The following SNTG1 variants were observed in gnomAD, a reference collection of about 807,000 sequenced individuals.
SNTG1 encodes gamma-1-syntrophin.
In SNTG1, 39 loss-of-function variants were observed where a neutral mutation model predicts 74.7. The ratio of observed to expected loss-of-function variants is 0.52; its 90% confidence interval spans 0.40 to 0.68. SNTG1 has a LOEUF of 0.68. Among genes scored for constraint, SNTG1 ranks in the 30% least tolerant of loss-of-function variants. The pLI, the probability that SNTG1 is intolerant of heterozygous loss-of-function variation, is 0.00. For synonymous variants in SNTG1, 254 were observed against 217.1 expected (o/e 1.17, Z -1.49); for missense variants, 685 against 609.5 (o/e 1.12, Z -1.30).
At chr8:50,343,319 G>A (rs146206314) in intron 2 of SNTG1, among the ~76,000 whole-genome samples, 70 of 152,222 alleles carry the variant, frequency 4.6e-4, no homozygotes, top group Non-Finnish European at 7.6e-4. Flanking sequence ...AATGGAAGAC[G>A]TTTATATCCT....
chr8:50,472,910 C>CA (rs200583119), intron 8 of SNTG1, among the ~76,000 whole-genome samples: 4 of 151,498 alleles, frequency 2.6e-5, no homozygotes, highest in Admixed American at 1.3e-4. Context: ...CACAAATGGC[C>CA]AAAAAAACAT....
intron 1 of SNTG1, among the ~76,000 whole-genome samples, chr8:50,170,312 T>G (rs1398311720): frequency 6.6e-6 from 1 of 152,174 alleles, no homozygotes; most frequent in Non-Finnish European, 1.5e-5. Flanking sequence ...TACATCTATA[T>G]AAAATAAATA....
chr8:50,531,428 T>C (rs1296691023), intron 10 of SNTG1, among the ~76,000 whole-genome samples: 2 of 152,106 alleles, frequency 1.3e-5, no homozygotes, highest in African/African-American at 4.8e-5. Flanking sequence ...TGAGGAAATA[T>C]ACAGGTTTCC....
chr8:49,987,362 A>G (rs1216358702), intron 1 of SNTG1, among the ~76,000 whole-genome samples: 1 of 152,206 alleles, frequency 6.6e-6, no homozygotes, highest in Non-Finnish European at 1.5e-5. Flanking sequence ...AAAAGTAAAT[A>G]AACAATTATT....
chr8:50,422,626 G>C (rs947636919), intron 4 of SNTG1, among the ~76,000 whole-genome samples: 1 of 152,056 alleles, frequency 6.6e-6, no homozygotes, highest in African/African-American at 2.4e-5. Context: ...TGGGGGGAAG[G>C]GGTGAGGTTG....
In SNTG1 at chr8:50,622,101, G is replaced by T. The variant is rs1029336689; in HGVS notation, c.849+31184G>T. Among the ~76,000 whole-genome samples the T allele has an allele frequency of 2.0e-5, 3 of 152,078 alleles. No homozygotes were observed. In the South Asian group the frequency reaches 6.2e-4, roughly 32 times the overall value. ...CCTCAAGATTTTCCTCATAGGTATT[G>T]CATCTGCCCCAATCTCTCTGCTTAC... On this transcript the variant is annotated intron_variant, in intron 13 of 18. Transcript: ENST00000642720.
Position 50,693,995 on chromosome 8 carries a change from C to T in SNTG1, c.1039-10605C>T, listed in dbSNP as rs571025183. On this transcript the variant is annotated intron_variant, in intron 15 of 18. Coordinates refer to ENST00000642720, the MANE Select transcript of SNTG1 (RefSeq NM_018967.5). ...GGAAGTTTATATCAACAACCACCTA[C>T]ATTAGAAAAGGAGAAAGATTTCATA... Among the ~76,000 whole-genome samples, 6 of 152,054 alleles carry T rather than the reference C, an allele frequency of 3.9e-5. No homozygotes were observed. The South Asian group carries it at 1.2e-3, about 32-fold the overall frequency.
intron 1 of SNTG1, among the ~76,000 whole-genome samples, chr8:49,940,511 T>A (rs961871100): frequency 1.3e-5 from 2 of 152,218 alleles, no homozygotes; most frequent in African/African-American, 4.8e-5. Context: ...AAAAATCCTT[T>A]ATTTTGACTC....
intron 1 of SNTG1, among the ~76,000 whole-genome samples, chr8:50,074,425 T>C (rs760823369): frequency 8.5e-5 from 13 of 152,196 alleles, no homozygotes; most frequent in Non-Finnish European, 4.4e-5. Context: ...TATCAGCAAC[T>C]GTAGAGTTAC....
chr8:49,969,427 C>T (rs1811453314), intron 1 of SNTG1, among the ~76,000 whole-genome samples: 1 of 117,338 alleles, frequency 8.5e-6, no homozygotes, highest in Non-Finnish European at 1.6e-5. Context: ...AATGGACTCT[C>T]TCTCTGTCGC....
At chr8:50,392,820 A>G (rs2092680200) in intron 2 of SNTG1, among the ~76,000 whole-genome samples, 1 of 152,164 alleles carries the variant, frequency 6.6e-6, no homozygotes. Context: ...TGAAATAATT[A>G]AAATTTTAAG....
intron 2 of SNTG1, among the ~76,000 whole-genome samples, chr8:50,327,536 A>T (rs1366016253): frequency 2.6e-5 from 4 of 152,012 alleles, no homozygotes; most frequent in African/African-American, 9.7e-5. Context: ...CTTACTTTGA[A>T]TTGTGTGTAT....
chr8:50,697,484 G>A (rs934026093), intron 15 of SNTG1, among the ~76,000 whole-genome samples: 1 of 152,078 alleles, frequency 6.6e-6, no homozygotes, highest in Non-Finnish European at 1.5e-5. Flanking sequence ...TGGTAAGAGT[G>A]GACAACCTTC....
At chr8:50,174,650 C>A (rs751149779) in intron 2 of SNTG1, among the ~76,000 whole-genome samples, 12 of 152,012 alleles carry the variant, frequency 7.9e-5, no homozygotes, top group Non-Finnish European at 1.6e-4. Context: ...TAAATATGTA[C>A]TTCAAATAAA....
Position 50,642,148 on chromosome 8 carries a change from G to T in SNTG1, c.850-14761G>T, listed in dbSNP as rs142783873. On this transcript the variant is annotated intron_variant, in intron 13 of 18. Transcript: ENST00000642720. The stretch of plus-strand genomic sequence containing the variant: ...CTCCATTCTTCTGATTGCAAAGATC[G>T]AAAACTTTCTATCACTCTTAACTTC... Among the ~76,000 whole-genome samples the T allele has an allele frequency of 1.6e-3, 242 of 152,054 alleles. 2 individuals are homozygous for T. The highest frequency in any genetic ancestry group is 0.01 in the Middle Eastern group (3 of 292).
In SNTG1 at chr8:50,129,049, T is replaced by C. The variant is rs528179741; in HGVS notation, c.-102-43512T>C. On this transcript the variant is annotated intron_variant, in intron 1 of 18. Transcript: ENST00000642720. ...CATCATTTGATGAAGATAAAATTGA[T>C]GACAGACAACTGTATTCTCTAAAAT... Among the ~76,000 whole-genome samples the C allele has an allele frequency of 2.6e-5, 4 of 152,216 alleles. No homozygotes were observed. In the South Asian group the frequency reaches 8.3e-4, roughly 32 times the overall value.
chr8:50,013,994 C>A (rs762899218), intron 1 of SNTG1, among the ~76,000 whole-genome samples: 1 of 151,946 alleles, frequency 6.6e-6, no homozygotes, highest in Non-Finnish European at 1.5e-5. Context: ...CATTTTTGAT[C>A]TCAGAAAAAT....
intron 18 of SNTG1, among the ~76,000 whole-genome samples, chr8:50,783,496 C>T (rs550741474): frequency 3.1e-4 from 47 of 152,292 alleles, no homozygotes; most frequent in Admixed American, 9.8e-4. Flanking sequence ...TGGGACCCTC[C>T]GAGCCATGTG....
chr8:50,418,317 C>A (rs1230973768), intron 4 of SNTG1, among the ~76,000 whole-genome samples: 1 of 152,084 alleles, frequency 6.6e-6, no homozygotes, highest in African/African-American at 2.4e-5. Flanking sequence ...ACACTCCTTT[C>A]TCCTACAAAT....
Sources: allele counts gnomAD v4.1 joint callset (sites outside exome capture counted in the v4.1 genomes callset), GRCh38; gene constraint gnomAD v4.1.1; transcripts MANE v1.5; gene names NCBI Gene and HGNC (gene_info 2026-07-23, HGNC 2026-07-21).